The following ANO3 variants were observed in gnomAD, a reference collection of about 807,000 sequenced individuals.
ANO3 encodes the protein anoctamin 3, also known as anoctamin-3.
Under a neutral mutation model 144.8 loss-of-function variants are expected in ANO3, and 99 were observed. The observed-to-expected ratio is 0.68, with a 90% CI of 0.58 to 0.81. The LOEUF is 0.81. Among genes scored for constraint, ANO3 ranks in the 30% least tolerant of loss-of-function variants. The pLI, the probability that ANO3 is intolerant of heterozygous loss-of-function variation, is 0.00. For missense variants in ANO3, 905 were observed against 1,202.2 expected (o/e 0.75, Z 3.66); for synonymous variants, 414 against 392.6 (o/e 1.05, Z -0.64).
At chr11:26,616,224 C>T (rs973908119) in intron 17 of ANO3, among the ~76,000 whole-genome samples, 1 of 152,062 alleles carries the variant, frequency 6.6e-6, no homozygotes, top group African/African-American at 2.4e-5. Flanking sequence ...AAGCCACTTT[C>T]CTCAGTTCAT....
chr11:26,599,588 G>A lies in ANO3; in HGVS notation c.1710G>A (p.Val570=). The A allele has an allele frequency of 6.2e-7, 1 of 1,614,122 alleles. No homozygotes were observed. Among genetic ancestry groups the A allele is most frequent in the Non-Finnish European group, 8.5e-7 (1 of 1,180,002 alleles). Residue 570 remains valine (V), a synonymous_variant, in exon 17 of 27, where the codon GTG becomes GTA. Coordinates refer to ENST00000256737, the MANE Select transcript of ANO3 (RefSeq NM_031418.4). ...TCACTGCAGTGTTTGGAGTTGTGGT[G>A]TACCGCCTGGTTGTCATGGAACAGT... ...LVITAVFGVV[V]YRLVVMEQFA... is the part of the protein sequence containing the mutation.
At chr11:26,336,531 A>G (rs1368265102) in intron 1 of ANO3, among the ~76,000 whole-genome samples, 1 of 152,154 alleles carries the variant, frequency 6.6e-6, no homozygotes, top group Non-Finnish European at 1.5e-5. Context: ...CTTTAAATAA[A>G]TTTGTTGCTA....
chr11:26,610,238 C>G (rs1852057487), intron 17 of ANO3, among the ~76,000 whole-genome samples: 1 of 151,112 alleles, frequency 6.6e-6, no homozygotes, highest in African/African-American at 2.4e-5. Flanking sequence ...TCTAGCCATT[C>G]TAACTGGAGT....
intron 11 of ANO3, among the ~76,000 whole-genome samples, chr11:26,543,280 C>G (rs922493670): frequency 1.3e-5 from 2 of 151,948 alleles, no homozygotes; most frequent in East Asian, 3.9e-4. Context: ...GCCCTCTGAT[C>G]TCCTGCTGGC....
At chr11:26,197,245 C>T (rs1851606299) in intron 1 of ANO3, among the ~76,000 whole-genome samples, 2 of 152,006 alleles carry the variant, frequency 1.3e-5, no homozygotes, top group Non-Finnish European at 2.9e-5. Context: ...AAGGAGAAGG[C>T]AACAGAAAAC....
chr11:26,635,794 A>G (rs750083525), intron 20 of ANO3, among the ~76,000 whole-genome samples: 3 of 152,218 alleles, frequency 2.0e-5, no homozygotes, highest in Non-Finnish European at 4.4e-5. Context: ...ATAAAACATA[A>G]CAAATATTTT....
chr11:26,586,330 G>A (rs1376492591), intron 14 of ANO3, among the ~76,000 whole-genome samples: 1 of 148,116 alleles, frequency 6.8e-6, no homozygotes, highest in Non-Finnish European at 1.5e-5. Context: ...TTTTATCTGG[G>A]GCTGTCGTTA....
chr11:26,630,980 T>C (rs1195862749), intron 18 of ANO3, among the ~76,000 whole-genome samples: 1 of 151,828 alleles, frequency 6.6e-6, no homozygotes, highest in Non-Finnish European at 1.5e-5. Context: ...CATTTTCTTT[T>C]TTTTTTTAGT....
At position 26,599,534 on chromosome 11, in the gene ANO3, G is replaced by A. The variant is rs770522071; in HGVS notation, c.1672-16G>A. Reference sequence around the variant, plus strand: ...ATGTAAAATATGGATGTTTTTTCTGGTGTCCAATATTGTAGATATCCTTGG... The same window carrying A: ...ATGTAAAATATGGATGTTTTTTCTGATGTCCAATATTGTAGATATCCTTGG... On this transcript the variant is annotated splice_polypyrimidine_tract_variant and intron_variant, in intron 16 of 26. Coordinates refer to ENST00000256737, the MANE Select transcript of ANO3 (RefSeq NM_031418.4). The A allele has an allele frequency of 6.3e-7, 1 of 1,595,606 alleles. No individual in the cohort carries two copies. The highest frequency in any genetic ancestry group is 8.6e-7 in the Non-Finnish European group (1 of 1,169,424).
chr11:26,465,025 A>G (rs1859546385), intron 4 of ANO3, among the ~76,000 whole-genome samples: 1 of 151,674 alleles, frequency 6.6e-6, no homozygotes, highest in Admixed American at 6.6e-5. Flanking sequence ...AGGAAACCTC[A>G]AAAAAGCAAT....
At chr11:26,514,943 C>G (rs546858206) in intron 5 of ANO3, among the ~76,000 whole-genome samples, 20 of 152,002 alleles carry the variant, frequency 1.3e-4, no homozygotes, top group Admixed American at 2.6e-4. Flanking sequence ...TCTCTTTTCT[C>G]TGATCAGTGA....
At chr11:26,437,118 G>A (rs761050942) in intron 1 of ANO3, among the ~76,000 whole-genome samples, 22 of 152,150 alleles carry the variant, frequency 1.4e-4, no homozygotes, top group African/African-American at 4.8e-4. Context: ...CTTATCCTGC[G>A]AGGTGCTGTG....
intron 18 of ANO3, among the ~76,000 whole-genome samples, chr11:26,628,161 T>A (rs913587156): frequency 6.6e-6 from 1 of 152,160 alleles, no homozygotes; most frequent in Admixed American, 6.6e-5. Flanking sequence ...CTGTTAATTT[T>A]TCTTAATAAT....
intron 1 of ANO3, among the ~76,000 whole-genome samples, chr11:26,396,282 G>C (rs892508816): frequency 2.6e-5 from 4 of 152,198 alleles, no homozygotes; most frequent in South Asian, 2.1e-4. Flanking sequence ...TAAAAAGTCA[G>C]GAAACAACAG....
At chr11:26,242,368 A>G (rs777011181) in intron 1 of ANO3, among the ~76,000 whole-genome samples, 2 of 152,102 alleles carry the variant, frequency 1.3e-5, no homozygotes, top group Non-Finnish European at 2.9e-5. Context: ...TGCCCTGTCC[A>G]TTTTAAGATA....
At chr11:26,408,685 T>G (rs1565007999) in intron 1 of ANO3, among the ~76,000 whole-genome samples, 1 of 150,698 alleles carries the variant, frequency 6.6e-6, no homozygotes, top group East Asian at 2.0e-4. Context: ...CGTATGTTTA[T>G]TGTGGCACTA....
chr11:26,304,164 G>A (rs1485152235), intron 1 of ANO3, among the ~76,000 whole-genome samples: 1 of 151,902 alleles, frequency 6.6e-6, no homozygotes, highest in African/African-American at 2.4e-5. Flanking sequence ...TTTTTCATAT[G>A]TACATAATTT....
chr11:26,631,346 G>GA (rs1425731758), intron 18 of ANO3, among the ~76,000 whole-genome samples: 7 of 150,326 alleles, frequency 4.7e-5, no homozygotes, highest in Admixed American at 3.3e-4. Context: ...TTCTTTGAAG[G>GA]AAAAACTAAA....
chr11:26,194,438 TG>T (rs1564911906), intron 1 of ANO3, among the ~76,000 whole-genome samples: 1 of 60,284 alleles, frequency 1.7e-5, no homozygotes, highest in Non-Finnish European at 3.5e-5. Flanking sequence ...GGGTACATAG[TG>T]GTGTGTGTGT....
Sources: allele counts gnomAD v4.1 joint callset (sites outside exome capture counted in the v4.1 genomes callset), GRCh38; gene constraint gnomAD v4.1.1; transcripts MANE v1.5; gene names NCBI Gene and HGNC (gene_info 2026-07-23, HGNC 2026-07-21).